TNS3: variants seen among roughly 807,000 people sequenced by gnomAD.
TNS3 encodes tensin-3.
In TNS3, 45 loss-of-function variants were observed where a neutral mutation model predicts 140.9. The ratio of observed to expected loss-of-function variants is 0.32; its 90% CI spans 0.25 to 0.41. The LOEUF is 0.41. Among genes scored for constraint, TNS3 ranks in the 10% least tolerant of loss-of-function variants. The probability of loss-of-function intolerance (pLI) is 1.00; values close to 1 mark genes in which losing one functional copy is unlikely to be tolerated. For synonymous variants in TNS3, 815 were observed against 788.4 expected (o/e 1.03, Z -0.56); for missense variants, 1,716 against 1,906.7 (o/e 0.90, Z 1.86).
intron 16 of TNS3, among the ~76,000 whole-genome samples, chr7:47,392,346 C>T (rs994299025): frequency 2.6e-5 from 4 of 152,186 alleles, no homozygotes. Context: ...GTTGCGCTCA[C>T]ACATCAAAGC....
At chr7:47,429,372 C>CTT (rs35303779) in intron 8 of TNS3, among the ~76,000 whole-genome samples, 10,084 of 149,578 alleles carry the variant, frequency 0.067, 742 homozygotes, top group African/African-American at 0.18. Flanking sequence ...CAATCTGGCT[C>CTT]TTTTTTTTTT....
intron 9 of TNS3, among the ~76,000 whole-genome samples, chr7:47,427,249 G>A (rs753933988): frequency 4.6e-5 from 7 of 151,634 alleles, no homozygotes; most frequent in African/African-American, 1.2e-4. Flanking sequence ...CAGGAATCTC[G>A]ATTTTCCTGG....
At position 47,405,556 on chromosome 7, in the gene TNS3, T is replaced by G. The variant is rs750214291; in HGVS notation, c.724-4642A>C. 1.8e-5 allele frequency: 13 copies of G among 703,042 alleles called. No homozygotes were observed. In the South Asian group the frequency reaches 1.9e-4, roughly 10 times the overall value. The allele number at this position is 703,042 out of a possible 1,614,324, so 43.6% of individuals were successfully genotyped here. A position where few individuals can be genotyped will look rare whatever the true frequency, so the allele number is the denominator to read the frequency against. On this transcript the variant is annotated intron_variant, in intron 13 of 30. Transcript: ENST00000311160. Reference sequence around the variant, plus strand: ...CAGATGTTCGCAATATTGTAATTCATGACCTAAAGCAATTGAAAGGTGGGT... The same window carrying G: ...CAGATGTTCGCAATATTGTAATTCAGGACCTAAAGCAATTGAAAGGTGGGT...
chr7:47,506,244 G>A (rs1234304747), intron 3 of TNS3, among the ~76,000 whole-genome samples: 1 of 152,172 alleles, frequency 6.6e-6, no homozygotes, highest in Non-Finnish European at 1.5e-5. Context: ...ATCTGAAGGT[G>A]CGAGCACCAA....
rs1450047180 is a variant in TNS3 at position 47,303,354 on chromosome 7, G to C, written c.3053C>G (p.Ala1018Gly). 16 of 1,613,468 alleles carry C rather than the reference G, an allele frequency of 9.9e-6. No individual in the cohort carries two copies. Among genetic ancestry groups the C allele is most frequent in the Non-Finnish European group, 1.4e-5 (16 of 1,179,878 alleles). The change falls in exon 22 of 31, where the codon GCC (alanine) becomes GGC (glycine). Residue 1018 changes from alanine (A) to glycine (G), a missense_variant. Physicochemically the swap from Ala to Gly is moderately conservative, Grantham distance 60. Coordinates refer to ENST00000311160, the MANE Select transcript of TNS3 (RefSeq NM_022748.12). ...PDSLAPPSSQAFLGFGTAPVG... is the reference protein window; with the variant it reads ...PDSLAPPSSQGFLGFGTAPVG... ...TGGGGCGGTGCCGAAGCCCAGGAAG[G>C]CCTGGCTGCTGGGAGGCGCCAGGGA...
rs184162716 is a variant in TNS3 at position 47,359,248 on chromosome 7, T to C, written c.2281+9117A>G. On this transcript the variant is annotated intron_variant, in intron 17 of 30. Transcript: ENST00000311160. ...AAGTTCCCACATGGGCTGTAACACG[T>C]CCGGCTCGAAAACATCACACACCAC... 2.2e-4 allele frequency among the ~76,000 whole-genome samples: 34 copies of C among 152,270 alleles called. No individual in the cohort carries two copies. The East Asian group carries it at 5.8e-3, about 26-fold the overall frequency.
intron 8 of TNS3, among the ~76,000 whole-genome samples, chr7:47,431,946 T>A (rs759215039): frequency 2.0e-5 from 3 of 152,246 alleles, no homozygotes; most frequent in Non-Finnish European, 4.4e-5. Context: ...CCTGGACACA[T>A]ACAACCTACT....
At chr7:47,370,804 G>C (rs1283591489) in intron 16 of TNS3, among the ~76,000 whole-genome samples, 1 of 152,212 alleles carries the variant, frequency 6.6e-6, no homozygotes, top group East Asian at 1.9e-4. Flanking sequence ...TGAGAGACGT[G>C]AGCCACTACC....
intron 23 of TNS3, among the ~76,000 whole-genome samples, chr7:47,297,639 T>C (rs944424775): frequency 4.0e-5 from 6 of 151,898 alleles, no homozygotes; most frequent in African/African-American, 1.5e-4. Flanking sequence ...CAGATCCAAA[T>C]ATACACAAAG....
In TNS3 at chr7:47,389,072, GAAGAAGAA is replaced by G. The variant is rs1792303316; in HGVS notation, c.1024+7720_1024+7727del. ...AGAAGAAGAAGAAGAAGAAGAAGAA[GAAGAAGAA>G]GAAGAGGAAGAGGAAGAGGAAGCGG... On this transcript the variant is annotated intron_variant, in intron 16 of 30. Transcript: ENST00000311160. Among the ~76,000 whole-genome samples, 17 of 70,086 alleles carry G rather than the reference GAAGAAGAA, an allele frequency of 2.4e-4. 1 individual carries two copies. Among genetic ancestry groups the G allele is most frequent in the African/African-American group, 9.9e-4 (15 of 15,106 alleles). The allele number at this position is 70,086 out of a possible 152,430, so 46.0% of individuals were successfully genotyped here.
At position 47,421,125 on chromosome 7, in the gene TNS3, C is replaced by T. The variant is rs1052728451; in HGVS notation, c.473+2976G>A. 5.9e-5 allele frequency among the ~76,000 whole-genome samples: 9 copies of T among 152,230 alleles called. No individual in the cohort carries two copies. In the South Asian group the frequency reaches 1.7e-3, roughly 28 times the overall value. On this transcript the variant is annotated intron_variant, in intron 10 of 30. Coordinates refer to ENST00000311160, the MANE Select transcript of TNS3 (RefSeq NM_022748.12). ...TACCTGTCACTTTCCCCATTAACTC[C>T]GTGATGGGGCCAAGAAACATGTGCT...
At chr7:47,389,004 AAGAAGAAGAAGAAGAAGAAGAAGAAGAAG>A (rs1562674304) in intron 16 of TNS3, among the ~76,000 whole-genome samples, 3,919 of 56,796 alleles carry the variant, frequency 0.069, 774 homozygotes, top group Non-Finnish European at 0.073. Flanking sequence ...AAGAAGAAGG[AAGAAGAAGAAGAAGAAGAAGAAGAAGAAG>A]AAGAAGAAGA....
At position 47,534,236 on chromosome 7, in the gene TNS3, G is replaced by A. The variant is rs371676032; in HGVS notation, c.-264-5089C>T. 1.4e-4 allele frequency among the ~76,000 whole-genome samples: 22 copies of A among 151,902 alleles called. No homozygotes were observed. The South Asian group carries it at 2.7e-3, about 19-fold the overall frequency. ...CTGCAGTAGGCCGAGATCATGGCAC[G>A]GCACTCCAGCCTGGGTTGACAGAGT... On this transcript the variant is annotated intron_variant, in intron 1 of 30. Coordinates refer to ENST00000311160, the MANE Select transcript of TNS3 (RefSeq NM_022748.12).
At chr7:47,290,865 C>G (rs1380990760) in intron 27 of TNS3, among the ~76,000 whole-genome samples, 1 of 152,204 alleles carries the variant, frequency 6.6e-6, no homozygotes, top group Non-Finnish European at 1.5e-5. Context: ...CTTATATCCA[C>G]TCAAAAACCT....
rs752022252 is a variant in TNS3 at position 47,304,817 on chromosome 7, G to A, written c.2822+15C>T. 5.1e-5 allele frequency: 69 copies of A among 1,346,802 alleles called. No individual in the cohort carries two copies. The highest frequency in any genetic ancestry group is 6.3e-5 in the Non-Finnish European group (66 of 1,039,428). 83.4% of individuals were successfully genotyped at this position (1,346,802 alleles called of 1,614,324 possible). ...AAGGGGAACTTGTGCCAAGTTTAAA[G>A]ATCCATCTTCTTACCTCTCTCTCCT... On this transcript the variant is annotated intron_variant, in intron 21 of 30. Transcript: ENST00000311160.
intron 24 of TNS3, among the ~76,000 whole-genome samples, 165 bp downstream of exon 24, chr7:47,296,917 T>C (rs1786058748): frequency 6.6e-6 from 1 of 152,198 alleles, no homozygotes; most frequent in African/African-American, 2.4e-5. Flanking sequence ...ATGTTCTTTC[T>C]TAAATAAGGT....
chr7:47,300,804 C>G (rs1786356596), intron 23 of TNS3, among the ~76,000 whole-genome samples: 1 of 152,216 alleles, frequency 6.6e-6, no homozygotes, highest in South Asian at 2.1e-4. Flanking sequence ...CAAGCAGGGC[C>G]AGGGTGGTGG....
chr7:47,580,036 A>T (rs888523561), intron 1 of TNS3: 2 of 141,780 alleles, frequency 1.4e-5, no homozygotes, highest in African/African-American at 4.9e-5. Context: ...GCATTCAGGA[A>T]TAAGTAGTGC....
At chr7:47,576,840 A>C (rs1270341298) in intron 1 of TNS3, among the ~76,000 whole-genome samples, 1 of 152,228 alleles carries the variant, frequency 6.6e-6, no homozygotes, top group African/African-American at 2.4e-5. Flanking sequence ...TCCAGCGAGA[A>C]ATAATCCCAG....
Sources: allele counts gnomAD v4.1 joint callset (sites outside exome capture counted in the v4.1 genomes callset), GRCh38; gene constraint gnomAD v4.1.1; transcripts MANE v1.5; gene names NCBI Gene and HGNC (gene_info 2026-07-23, HGNC 2026-07-21).